The following PCDHGB5 variants were observed in gnomAD, a reference collection of about 807,000 sequenced individuals.
The protein encoded by PCDHGB5 is protocadherin gamma-B5.
Under a neutral mutation model 62.9 loss-of-function variants are expected in PCDHGB5, and 48 were observed. The ratio of observed to expected loss-of-function variants is 0.76; its 90% CI spans 0.61 to 0.97. The LOEUF (loss-of-function observed/expected upper bound fraction) is 0.97, where lower values mean the gene tolerates loss of function less well. Among genes scored for constraint, PCDHGB5 ranks in the 50% least tolerant of loss-of-function variants. The pLI, the probability that PCDHGB5 is intolerant of heterozygous loss-of-function variation, is 0.00. For synonymous variants in PCDHGB5, 474 were observed against 511.2 expected (o/e 0.93, Z 0.98); for missense variants, 1,118 against 1,198.6 (o/e 0.93, Z 0.99).
chr5:141,477,066 T>C lies in PCDHGB5; in HGVS notation c.2398-17741T>C. ...CGGCTGGACTTCGAGGACACCAAAC[T>C]CCATGAGATTTACATCCAGGCCAAA... On this transcript the variant is annotated intron_variant, in intron 1 of 3. Coordinates refer to ENST00000617380, the MANE Select transcript of PCDHGB5 (RefSeq NM_018925.3). This position sits in a 1 kb window ranked among gnomAD's most constrained non-coding sequence, Gnocchi z 4.9. 6.2e-7 allele frequency: 1 copy of C among 1,614,148 alleles called. No homozygotes were observed. The highest frequency in any genetic ancestry group is 8.5e-7 in the Non-Finnish European group (1 of 1,180,028).
rs1257933448 is a variant in PCDHGB5, at chr5:141,490,285, G to C, written c.2398-4522G>C. 3 of 1,614,106 alleles carry C rather than the reference G, an allele frequency of 1.9e-6. No homozygotes were observed. In the African/African-American group the frequency reaches 4.0e-5, roughly 22 times the overall value. On this transcript the variant is annotated intron_variant, in intron 1 of 3. Coordinates refer to ENST00000617380, the MANE Select transcript of PCDHGB5 (RefSeq NM_018925.3). This position sits in a 1 kb window ranked among gnomAD's most constrained non-coding sequence, Gnocchi z 5.4. ...GGGGGATGTCAATGACAATGCCCCAGAGGTGCTATTGGCCTCTTTGGCCAA... is the reference window on the plus strand; with the variant it reads ...GGGGGATGTCAATGACAATGCCCCACAGGTGCTATTGGCCTCTTTGGCCAA...
At chr5:141,419,325 A>C in intron 1 of PCDHGB5, 1 of 1,613,702 alleles carries the variant, frequency 6.2e-7, no homozygotes, top group African/African-American at 1.3e-5. Flanking sequence ...CGTGTCTCCT[A>C]CTCTCTCATT....
In PCDHGB5 at chr5:141,474,958, C is replaced by T. The variant is rs114469479; in HGVS notation, c.2398-19849C>T. On this transcript the variant is annotated intron_variant, in intron 1 of 3. Transcript: ENST00000617380. ...CACAGTGGACTCTTTTATTCACTAT[C>T]CTAATCATTATAATTTTGTTTGGTG... is the stretch of plus-strand genomic sequence containing the variant. Among the ~76,000 whole-genome samples the T allele has an allele frequency of 4.4e-3, 666 of 152,340 alleles. 6 individuals are homozygous for T. The highest frequency in any genetic ancestry group is 0.015 in the African/African-American group (634 of 41,572).
rs754652710 is a variant in PCDHGB5 at position 141,476,367 on chromosome 5, G to A, written c.2398-18440G>A. Reference sequence around the variant, plus strand: ...TTCTTTGAGGTGAACCGGGAGACCGGAGAGATGTTTGTGAACGACCGTCTG... The same window carrying A: ...TTCTTTGAGGTGAACCGGGAGACCGAAGAGATGTTTGTGAACGACCGTCTG... On this transcript the variant is annotated intron_variant, in intron 1 of 3. Coordinates refer to ENST00000617380, the MANE Select transcript of PCDHGB5 (RefSeq NM_018925.3). The surrounding 1 kb of genome is among the most constrained non-coding windows in gnomAD (Gnocchi z 7.6). The A allele has an allele frequency of 2.5e-6, 4 of 1,614,172 alleles. No homozygotes were observed. In the South Asian group the frequency reaches 3.3e-5, roughly 13 times the overall value.
At chr5:141,409,821 C>T in intron 1 of PCDHGB5, 1 of 1,610,940 alleles carries the variant, frequency 6.2e-7, no homozygotes, top group Non-Finnish European at 8.5e-7. Flanking sequence ...CACGGCTCGC[C>T]CACGCTCAGC....
At chr5:141,426,657 A>G (rs1369635444) in intron 1 of PCDHGB5, 2 of 425,278 alleles carry the variant, frequency 4.7e-6, no homozygotes, top group Non-Finnish European at 9.7e-6. Flanking sequence ...GATAGAAGAT[A>G]TAAATGATAA....
At chr5:141,411,189 T>C (rs1222862554) in intron 1 of PCDHGB5, 1 of 152,208 alleles carries the variant, frequency 6.6e-6, no homozygotes, top group Non-Finnish European at 1.5e-5. Context: ...TCTTGGCATC[T>C]AAGAAAACAA....
At chr5:141,459,814 T>A (rs757306281) in intron 1 of PCDHGB5, among the ~76,000 whole-genome samples, 2 of 152,256 alleles carry the variant, frequency 1.3e-5, no homozygotes, top group African/African-American at 4.8e-5. Context: ...CTAGAGACAC[T>A]GAGCAACTTT....
intron 1 of PCDHGB5, chr5:141,402,966 C>G (rs749578447): frequency 6.8e-6 from 11 of 1,605,942 alleles, no homozygotes; most frequent in Non-Finnish European, 8.5e-6. Context: ...GCAGCTCCAA[C>G]CAAATGCCAG....
At position 141,473,122 on chromosome 5, in the gene PCDHGB5, T is replaced by C. The variant is rs533113606; in HGVS notation, c.2398-21685T>C. On this transcript the variant is annotated intron_variant, in intron 1 of 3. Coordinates refer to ENST00000617380, the MANE Select transcript of PCDHGB5 (RefSeq NM_018925.3). ...TATTACCACACTTTACTTGGCTCTT[T>C]GGCAAACTATATTATCTCTTCAGAT... Among the ~76,000 whole-genome samples, 3 of 152,362 alleles carry C rather than the reference T, an allele frequency of 2.0e-5. No homozygotes were observed. In the East Asian group the frequency reaches 5.8e-4, roughly 29 times the overall value.
In PCDHGB5 at chr5:141,419,425, C is replaced by T. The variant is rs3749766; in HGVS notation, c.2397+18901C>T. Reference sequence around the variant, plus strand: ...TGTTCGCGCAGCGCGCCTTCGACCACGAGCAGCTGCGCACCTTCGAGCTCA... The same window carrying T: ...TGTTCGCGCAGCGCGCCTTCGACCATGAGCAGCTGCGCACCTTCGAGCTCA... On this transcript the variant is annotated intron_variant, in intron 1 of 3. Transcript: ENST00000617380. 284 of 1,613,316 alleles carry T rather than the reference C, an allele frequency of 1.8e-4. 1 individual carries two copies. The East Asian group carries it at 5.9e-3, about 34-fold the overall frequency.
chr5:141,416,224 T>G (rs2096006627), intron 1 of PCDHGB5: 1 of 152,382 alleles, frequency 6.6e-6, no homozygotes, highest in Admixed American at 6.5e-5. Context: ...TATGCTTAGA[T>G]TTTTCCAGCC....
intron 1 of PCDHGB5, chr5:141,405,437 T>C: frequency 7.0e-7 from 1 of 1,433,230 alleles, no homozygotes; most frequent in Non-Finnish European, 9.6e-7. Flanking sequence ...GTTTTGTTTT[T>C]GAGACAGAGT....
intron 1 of PCDHGB5, chr5:141,403,259 C>T: frequency 6.2e-7 from 1 of 1,613,866 alleles, no homozygotes; most frequent in Admixed American, 1.7e-5. Context: ...CCCGCGGTGT[C>T]TGGTGAACTT....
At chr5:141,436,053 A>G (rs971342534) in intron 1 of PCDHGB5, among the ~76,000 whole-genome samples, 2 of 152,232 alleles carry the variant, frequency 1.3e-5, no homozygotes, top group African/African-American at 2.4e-5. Flanking sequence ...TAGTTTTCAA[A>G]TAGAATTTAA....
intron 1 of PCDHGB5, among the ~76,000 whole-genome samples, chr5:141,465,966 C>T (rs904439039): frequency 5.3e-5 from 8 of 151,802 alleles, no homozygotes; most frequent in Non-Finnish European, 1.0e-4. Context: ...ACTAAAAATA[C>T]AAAAAATTAG....
chr5:141,416,011 GGTAA>G (rs1031382322), intron 1 of PCDHGB5: 25 of 239,912 alleles, frequency 1.0e-4, no homozygotes, highest in Non-Finnish European at 3.9e-5. Flanking sequence ...GGTAAGAATA[GGTAA>G]GTATCAGAAA....
chr5:141,415,502 A>T, intron 1 of PCDHGB5: 1 of 1,614,204 alleles, frequency 6.2e-7, no homozygotes, highest in African/African-American at 1.3e-5. Flanking sequence ...ATCTTCCCCC[A>T]GCCCAATTAT....
chr5:141,501,635 T>G (rs553343946), intron 2 of PCDHGB5, among the ~76,000 whole-genome samples: 1 of 152,236 alleles, frequency 6.6e-6, no homozygotes, highest in African/African-American at 2.4e-5. Flanking sequence ...TCTCAACCTC[T>G]CTGAGCCCTG....
Sources: allele counts gnomAD v4.1 joint callset (sites outside exome capture counted in the v4.1 genomes callset), GRCh38; gene constraint gnomAD v4.1.1; non-coding constraint Gnocchi (gnomAD v3.1); transcripts MANE v1.5; gene names NCBI Gene and HGNC (gene_info 2026-07-23, HGNC 2026-07-21).